PEX7: variants seen among roughly 807,000 people sequenced by gnomAD.
PEX7 encodes the protein peroxisomal biogenesis factor 7.
In PEX7, 34 loss-of-function variants were observed where a neutral mutation model predicts 47.5. The ratio of observed to expected loss-of-function variants is 0.72; its 90% CI spans 0.54 to 0.95. The LOEUF (loss-of-function observed/expected upper bound fraction) is 0.95. PEX7 is among the 40% of genes least tolerant of loss of function. PEX7 has a pLI of 0.00. For synonymous variants in PEX7, 141 were observed against 148.8 expected, an observed-to-expected ratio of 0.95 and a Z score of 0.38; for missense variants, 394 against 400.3, an observed-to-expected ratio of 0.98 and a Z score of 0.13.
At chr6:136,875,751 G>T (rs1240174859) in intron 8 of PEX7, among the ~76,000 whole-genome samples, 1 of 152,054 alleles carries the variant, frequency 6.6e-6, no homozygotes, top group Non-Finnish European at 1.5e-5. Context: ...TACTGAGAGT[G>T]GTATGTTAAA....
At chr6:136,870,832 G>A (rs34118640) in intron 7 of PEX7, 34,465 of 321,880 alleles carry the variant, frequency 0.11, 2,026 homozygotes, top group Admixed American at 0.14. Flanking sequence ...GAGTAGCTGG[G>A]ACTACAGGTG....
intron 9 of PEX7, among the ~76,000 whole-genome samples, chr6:136,898,712 A>G (rs1433539313): frequency 6.6e-6 from 1 of 152,130 alleles, no homozygotes; most frequent in Non-Finnish European, 1.5e-5. Flanking sequence ...AGTAAAATAG[A>G]ATGTCTGCTA....
At chr6:136,859,271 C>G (rs1056062280) in intron 5 of PEX7, among the ~76,000 whole-genome samples, 1 of 151,914 alleles carries the variant, frequency 6.6e-6, no homozygotes, top group African/African-American at 2.4e-5. Context: ...AGCAGAGTTG[C>G]CTAAAGACAT....
chr6:136,826,075 T>C (rs929563064), intron 2 of PEX7, among the ~76,000 whole-genome samples: 10 of 152,240 alleles, frequency 6.6e-5, no homozygotes, highest in Non-Finnish European at 1.3e-4. Context: ...GTATACTGTG[T>C]ACTATTACAT....
rs567478255 is a variant in PEX7, at chr6:136,823,801, A to C, written c.130+1006A>C. On this transcript the variant is annotated intron_variant, in intron 1 of 9. Coordinates refer to ENST00000318471, the MANE Select transcript of PEX7 (RefSeq NM_000288.4). Reference sequence around the variant, plus strand: ...GCTACTCGGGAGGCTGAGGTAAGAGAATAGTTTGAACCCAGGAGGCAGAGG... The same window carrying C: ...GCTACTCGGGAGGCTGAGGTAAGAGCATAGTTTGAACCCAGGAGGCAGAGG... Among the ~76,000 whole-genome samples, 7 of 152,238 alleles carry C rather than the reference A, an allele frequency of 4.6e-5. No individual in the cohort carries two copies. The East Asian group carries it at 1.4e-3, about 29-fold the overall frequency.
intron 5 of PEX7, among the ~76,000 whole-genome samples, chr6:136,851,948 G>A (rs1161620759): frequency 3.7e-5 from 3 of 81,228 alleles, no homozygotes; most frequent in East Asian, 2.9e-4. Context: ...CCATGTTGTA[G>A]GTTGCCTGTT....
intron 3 of PEX7, among the ~76,000 whole-genome samples, chr6:136,841,530 G>A (rs775340577): frequency 2.0e-5 from 3 of 152,132 alleles, no homozygotes; most frequent in Non-Finnish European, 2.9e-5. Context: ...TTCTGAGCAC[G>A]AAGCTGAATT....
chr6:136,822,809 G>C lies in PEX7; in HGVS notation c.130+14G>C. On this transcript the variant is annotated intron_variant, in intron 1 of 9. Coordinates refer to ENST00000318471, the MANE Select transcript of PEX7 (RefSeq NM_000288.4). ...ACGGCATCGCGGGTGAGGCGGCGCC[G>C]CGCAGCTGGGGCCGGGGGGCGGAGG... 1 of 1,276,996 alleles carries C rather than the reference G, an allele frequency of 7.8e-7. No individual in the cohort carries two copies. Among genetic ancestry groups the C allele is most frequent in the African/African-American group, 1.6e-5 (1 of 63,544 alleles). The allele number at this position is 1,276,996 out of a possible 1,614,324, so 79.1% of individuals were successfully genotyped here. A position where few individuals can be genotyped will look rare whatever the true frequency, so the allele number is the denominator to read the frequency against.
intron 5 of PEX7, among the ~76,000 whole-genome samples, chr6:136,852,274 G>T (rs555597524): frequency 6.6e-6 from 1 of 150,686 alleles, no homozygotes; most frequent in Admixed American, 6.7e-5. Context: ...CTCTCTCACC[G>T]CTCCTATTCA....
In PEX7 at chr6:136,883,501, T is replaced by C. The variant is rs142154131; in HGVS notation, c.803+11248T>C. 1.5e-3 allele frequency among the ~76,000 whole-genome samples: 227 copies of C among 152,336 alleles called. 1 individual carries two copies. Among genetic ancestry groups the C allele is most frequent in the African/African-American group, 5.1e-3 (211 of 41,582 alleles). ...ACTCCTTATCCTAAGGATTCCATGT[T>C]CTTTTTTGTTTATTTGTTTTTCTTA... On this transcript the variant is annotated intron_variant, in intron 8 of 9. Transcript: ENST00000318471.
chr6:136,902,593 G>A (rs1048281738), intron 9 of PEX7, among the ~76,000 whole-genome samples: 1 of 151,422 alleles, frequency 6.6e-6, no homozygotes, highest in African/African-American at 2.4e-5. Context: ...TTTTTTTTCT[G>A]ATCATGATTT....
intron 8 of PEX7, among the ~76,000 whole-genome samples, chr6:136,878,792 C>A (rs919034694): frequency 3.9e-5 from 6 of 151,968 alleles, no homozygotes; most frequent in African/African-American, 1.2e-4. Flanking sequence ...TCGAATGTGT[C>A]ATATTTTATG....
At chr6:136,835,294 CTTTTTTTTTTTT>C (rs1359235864) in intron 3 of PEX7, among the ~76,000 whole-genome samples, 2 of 133,736 alleles carry the variant, frequency 1.5e-5, no homozygotes, top group Non-Finnish European at 3.3e-5. Context: ...ATTTTTTTTT[CTTTTTTTTTTTT>C]GAGACAAAGT....
chr6:136,903,334 C>G (rs1029185985), intron 9 of PEX7, among the ~76,000 whole-genome samples: 1 of 124,228 alleles, frequency 8.0e-6, no homozygotes, highest in Non-Finnish European at 1.8e-5. Flanking sequence ...TTCTTTCTTT[C>G]TCTTTTTTTT....
chr6:136,909,018 A>G (rs1345151766), intron 9 of PEX7, among the ~76,000 whole-genome samples: 3 of 152,034 alleles, frequency 2.0e-5, no homozygotes, highest in Admixed American at 6.5e-5. Flanking sequence ...TAATTCCTCT[A>G]TCATTTTACA....
intron 4 of PEX7, 144 bp downstream of exon 4, chr6:136,845,836 T>C (rs1259010261): frequency 1.3e-5 from 9 of 704,286 alleles, no homozygotes; most frequent in East Asian, 1.1e-4. Flanking sequence ...AAAACACTTA[T>C]TAGAACTTAA....
chr6:136,829,091 A>C (rs953189758), intron 3 of PEX7, among the ~76,000 whole-genome samples: 1 of 152,244 alleles, frequency 6.6e-6, no homozygotes, highest in African/African-American at 2.4e-5. Context: ...CAACAGTCAG[A>C]GTTTACTGTT....
intron 9 of PEX7, among the ~76,000 whole-genome samples, chr6:136,899,729 A>G (rs190489709): frequency 7.2e-4 from 110 of 152,288 alleles, no homozygotes; most frequent in African/African-American, 2.5e-3. Flanking sequence ...AACGATTCTC[A>G]TTTGGTATTA....
At chr6:136,864,360 G>A (rs990900607) in intron 5 of PEX7, among the ~76,000 whole-genome samples, 17 of 151,698 alleles carry the variant, frequency 1.1e-4, no homozygotes, top group Admixed American at 9.2e-4. Flanking sequence ...TATCTTTTGC[G>A]TATCTGGCAC....
Sources: allele counts gnomAD v4.1 joint callset (sites outside exome capture counted in the v4.1 genomes callset), GRCh38; gene constraint gnomAD v4.1.1; transcripts MANE v1.5; gene names NCBI Gene and HGNC (gene_info 2026-07-23, HGNC 2026-07-21).